Variants in TRIM46 observed in about 807,000 individuals in gnomAD.
The protein encoded by TRIM46 is tripartite motif containing 46.
TRIM46 carries 17 observed loss-of-function variants against 69.7 expected under a neutral mutation model. The observed-to-expected ratio is 0.24, with a 90% CI of 0.17 to 0.37. TRIM46 has a LOEUF of 0.37. Among genes scored for constraint, TRIM46 ranks in the 10% least tolerant of loss-of-function variants. TRIM46 has a pLI of 1.00. For missense variants in TRIM46, 675 were observed against 1,025.1 expected (o/e 0.66, Z 4.66); for synonymous variants, 391 against 429.0 (o/e 0.91, Z 1.09).
At chr1:155,179,004 C>T (rs980141282) in intron 7 of TRIM46, among the ~76,000 whole-genome samples, 1 of 152,226 alleles carries the variant, frequency 6.6e-6, no homozygotes, top group African/African-American at 2.4e-5. Context: ...CCCTGTCTCC[C>T]TTCTGCCTTC....
Position 155,175,148 on chromosome 1 carries a change from A to G in TRIM46, c.64-238A>G. On this transcript the variant is annotated intron_variant, in intron 1 of 9. Coordinates refer to ENST00000334634, the MANE Select transcript of TRIM46 (RefSeq NM_025058.5). This position sits in a 1 kb window ranked among gnomAD's most constrained non-coding sequence, Gnocchi z 4.2. ...TGGGGATTGGGCTTGAGGCTGGAGC[A>G]GGCACAAGCTCCAACCGTCCCTCCT... The G allele has an allele frequency of 2.2e-6, 3 of 1,387,514 alleles. No homozygotes were observed. Among genetic ancestry groups the G allele is most frequent in the Non-Finnish European group, 2.8e-6 (3 of 1,074,542 alleles). The allele number at this position is 1,387,514 out of a possible 1,614,324, so 86.0% of individuals were successfully genotyped here. A position where few individuals can be genotyped will look rare whatever the true frequency, so the allele number is the denominator to read the frequency against.
rs768491601 is a variant in TRIM46, at chr1:155,184,176, G to A, written c.2266G>A (p.Ala756Thr). 22 of 1,609,082 alleles carry A rather than the reference G, an allele frequency of 1.4e-5. No individual in the cohort carries two copies. The highest frequency in any genetic ancestry group is 1.7e-5 in the Non-Finnish European group (20 of 1,177,626). ...PERKVTIGGF[A>T]KLD ...GAGGAAAGTCACCATTGGGGGCTTC[G>A]CCAAGCTGGACTGAGCCTTCCAGGC... is the stretch of plus-strand genomic sequence containing the variant. Residue 756 changes from alanine to threonine, a missense_variant, in exon 10 of 10, where the codon GCC (alanine) becomes ACC (threonine). Coordinates refer to ENST00000334634, the MANE Select transcript of TRIM46 (RefSeq NM_025058.5). This position sits in a 1 kb window ranked among gnomAD's most constrained non-coding sequence, Gnocchi z 5.6.
chr1:155,178,739 T>TGGGGGCCCCC, intron 7 of TRIM46, 126 bp downstream of exon 7: 4 of 1,348,466 alleles, frequency 3.0e-6, no homozygotes, highest in Non-Finnish European at 4.1e-6. Flanking sequence ...CAGCCATTCC[T>TGGGGGCCCCC]CCCACCCAGC....
chr1:155,177,072 C>T lies in TRIM46; in HGVS notation c.810C>T (p.Leu270=), dbSNP rs1665714656. 6.2e-7 allele frequency: 1 copy of T among 1,612,718 alleles called. No individual in the cohort carries two copies. Among genetic ancestry groups the T allele is most frequent in the Non-Finnish European group, 8.5e-7 (1 of 1,178,774 alleles). Residue 270 remains leucine, a synonymous_variant, in exon 4 of 10, where the codon CTC becomes CTT. Transcript: ENST00000334634. The stretch of plus-strand genomic sequence containing the variant: ...CAGTGCTCAGTGCCTACCAGGCCCT[C>T]AAGGTAAGGACCCCCCTTATCCAAC... ...ITPVLSAYQA[L]KDKLTKSLTY...
rs752176830 is a variant in TRIM46 at position 155,181,853 on chromosome 1, C to G, written c.1590C>G (p.Val530=). 6.2e-7 allele frequency: 1 copy of G among 1,609,844 alleles called. No homozygotes were observed. Among genetic ancestry groups the G allele is most frequent in the East Asian group, 2.2e-5 (1 of 44,804 alleles). Residue 530 remains valine (V), a splice_region_variant and synonymous_variant, in exon 9 of 10, where the codon GTC becomes GTG. Transcript: ENST00000334634. The surrounding 1 kb of genome is among the most constrained non-coding windows in gnomAD (Gnocchi z 4.3). ...TCTCAACCCTCTCCCTCCTTCCAGT[C>G]CTGCACTTCTTCCTCGATAGCCGCT... ...DVHLHTPPAP[V]LHFFLDSRWG...
At position 155,175,169 on chromosome 1, in the gene TRIM46, C is replaced by G; in HGVS notation, c.64-217C>G. The G allele has an allele frequency of 7.1e-7, 1 of 1,412,686 alleles. No individual in the cohort carries two copies. Among genetic ancestry groups the G allele is most frequent in the Non-Finnish European group, 9.2e-7 (1 of 1,092,068 alleles). The allele number at this position is 1,412,686 out of a possible 1,614,324, so 87.5% of individuals were successfully genotyped here. A position where few individuals can be genotyped will look rare whatever the true frequency, so the allele number is the denominator to read the frequency against. ...GAGCAGGCACAAGCTCCAACCGTCC[C>G]TCCTCTGGGCCTTTAGCTCTGCAGC... On this transcript the variant is annotated intron_variant, in intron 1 of 9. Coordinates refer to ENST00000334634, the MANE Select transcript of TRIM46 (RefSeq NM_025058.5). The surrounding 1 kb of genome is among the most constrained non-coding windows in gnomAD (Gnocchi z 4.2).
intron 9 of TRIM46, chr1:155,182,434 A>T (rs1666235938): frequency 3.5e-6 from 2 of 569,082 alleles, no homozygotes; most frequent in Admixed American, 3.2e-5. Flanking sequence ...GTCACTCTGG[A>T]TCAACACACC....
intron 5 of TRIM46, 52 bp from the exon 6 acceptor site, chr1:155,177,950 C>T (rs1281216408): frequency 6.3e-7 from 1 of 1,588,244 alleles, no homozygotes; most frequent in African/African-American, 1.3e-5. Context: ...AGTGCTGCCT[C>T]CAAAAAGAAG....
At position 155,179,709 on chromosome 1, in the gene TRIM46, C is replaced by T. The variant is rs748469875; in HGVS notation, c.1363C>T (p.His455Tyr). 1 of 1,613,596 alleles carries T rather than the reference C, an allele frequency of 6.2e-7. No individual in the cohort carries two copies. Among genetic ancestry groups the T allele is most frequent in the Non-Finnish European group, 8.5e-7 (1 of 1,180,004 alleles). Reference protein sequence around the residue: ...QIFLCWRLPPHSPPAWHYTVE... With the variant: ...QIFLCWRLPPYSPPAWHYTVE... Reference sequence around the variant, plus strand: ...CTTCCTGTGCTGGCGGCTGCCCCCCCATTCACCACCTGCCTGGCACTATAC... The same window carrying T: ...CTTCCTGTGCTGGCGGCTGCCCCCCTATTCACCACCTGCCTGGCACTATAC... The change falls in exon 8 of 10, where the codon CAT becomes TAT. Residue 455 changes from histidine (H) to tyrosine (Y), a missense_variant. His to Tyr is a moderately conservative substitution (Grantham distance 83, BLOSUM62 2). Around this residue, in one of 5 missense-constraint regions of TRIM46, gnomAD observed 361 missense variants for 498.3 expected, o/e 0.72. Coordinates refer to ENST00000334634, the MANE Select transcript of TRIM46 (RefSeq NM_025058.5).
Position 155,184,279 on chromosome 1 carries a change from T to C in TRIM46, c.*89T>C. On this transcript the variant is annotated 3_prime_UTR_variant, in exon 10 of 10. Coordinates refer to ENST00000334634, the MANE Select transcript of TRIM46 (RefSeq NM_025058.5). This position sits in a 1 kb window ranked among gnomAD's most constrained non-coding sequence, Gnocchi z 5.6. ...ACCCGGTTGTTACCCCCTGGCAGCT[T>C]CTCCCCCAAACTCTCCTACCATGTG... The C allele has an allele frequency of 7.3e-7, 1 of 1,374,598 alleles. No individual in the cohort carries two copies. The highest frequency in any genetic ancestry group is 9.6e-7 in the Non-Finnish European group (1 of 1,037,704). The allele number at this position is 1,374,598 out of a possible 1,614,324, so 85.2% of individuals were successfully genotyped here.
At chr1:155,183,162 G>A (rs902919632) in intron 9 of TRIM46, among the ~76,000 whole-genome samples, 13 of 151,712 alleles carry the variant, frequency 8.6e-5, no homozygotes, top group Non-Finnish European at 1.5e-4. Flanking sequence ...CGCCCACCTT[G>A]GCCTCCCAAA....
intron 8 of TRIM46, 36 bp downstream of exon 8, chr1:155,179,970 A>T (rs1243683590): frequency 6.5e-7 from 1 of 1,547,648 alleles, no homozygotes; most frequent in South Asian, 1.2e-5. Flanking sequence ...TGCAAAGGGC[A>T]TGGGGTATGC....
chr1:155,175,413 C>T lies in TRIM46; in HGVS notation c.91C>T (p.Leu31=). The change falls in exon 2 of 10, where the codon CTG becomes TTG. Residue 31 remains leucine (L), a synonymous_variant. Transcript: ENST00000334634. This position sits in a 1 kb window ranked among gnomAD's most constrained non-coding sequence, Gnocchi z 4.2. ...CAGCATGAAGAACATGGAGAAGGAACTGCTGTGCCCAGTGTGTCAAGAGAT... is the reference window on the plus strand; with the variant it reads ...CAGCATGAAGAACATGGAGAAGGAATTGCTGTGCCCAGTGTGTCAAGAGAT... ...STSMKNMEKE[L]LCPVCQEMYK... 1 of 1,614,108 alleles carries T rather than the reference C, an allele frequency of 6.2e-7. No homozygotes were observed. The highest frequency in any genetic ancestry group is 8.5e-7 in the Non-Finnish European group (1 of 1,179,972).
intron 7 of TRIM46, chr1:155,178,977 C>T: frequency 1.7e-6 from 1 of 583,612 alleles, no homozygotes. Context: ...CCTCGTGGTC[C>T]TCCCACTGGA....
chr1:155,183,460 C>T (rs1027172180), intron 9 of TRIM46, among the ~76,000 whole-genome samples: 7 of 152,128 alleles, frequency 4.6e-5, no homozygotes, highest in African/African-American at 1.7e-4. Context: ...CGGATTCTTC[C>T]AATGTCCTCT....
In TRIM46 at chr1:155,175,271, A is replaced by G. The variant is rs549976438; in HGVS notation, c.64-115A>G. 113 of 1,550,834 alleles carry G rather than the reference A, an allele frequency of 7.3e-5. 1 individual carries two copies. The South Asian group carries it at 1.3e-3, about 18-fold the overall frequency. Reference sequence around the variant, plus strand: ...AAGGCAGGTGCTCTGGAAAAGCTGCAGGTAGCTTGTCTTGCTCCTTCCTCA... The same window carrying G: ...AAGGCAGGTGCTCTGGAAAAGCTGCGGGTAGCTTGTCTTGCTCCTTCCTCA... On this transcript the variant is annotated intron_variant, in intron 1 of 9. Coordinates refer to ENST00000334634, the MANE Select transcript of TRIM46 (RefSeq NM_025058.5). The surrounding 1 kb of genome is among the most constrained non-coding windows in gnomAD (Gnocchi z 4.2).
chr1:155,178,908 G>A (rs1187811513), intron 7 of TRIM46: 3 of 1,231,450 alleles, frequency 2.4e-6, no homozygotes, highest in Non-Finnish European at 3.3e-6. Flanking sequence ...CCACCCCGCT[G>A]CTCCCACGCA....
rs1480207797 is a variant in TRIM46, at chr1:155,183,926, G to A, written c.2016G>A (p.Gly672=). The A allele has an allele frequency of 1.2e-6, 2 of 1,613,826 alleles. No individual in the cohort carries two copies. Among genetic ancestry groups the A allele is most frequent in the Admixed American group, 1.7e-5 (1 of 60,000 alleles). ...GGTCGGGGGCAAGCTCAAACGCAGG[G>A]CTGACAGGGAGGGATGGCCCCACAG... ...LLGSGASSNA[G]LTGRDGPTAG... Residue 672 remains glycine (G), a synonymous_variant, in exon 10 of 10, where the codon GGG becomes GGA. Coordinates refer to ENST00000334634, the MANE Select transcript of TRIM46 (RefSeq NM_025058.5).
At chr1:155,178,963 C>A in intron 7 of TRIM46, 1 of 738,902 alleles carries the variant, frequency 1.4e-6, no homozygotes, top group Non-Finnish European at 2.0e-6. Flanking sequence ...CTGCCTTGCC[C>A]CGACCTCGTG....
Sources: allele counts gnomAD v4.1 joint callset (sites outside exome capture counted in the v4.1 genomes callset), GRCh38; gene constraint gnomAD v4.1.1; regional missense constraint gnomAD v4.1.1; non-coding constraint Gnocchi (gnomAD v3.1); transcripts MANE v1.5; gene names NCBI Gene and HGNC (gene_info 2026-07-23, HGNC 2026-07-21).